The following ADAM12 variants were observed in gnomAD, a reference collection of about 807,000 sequenced individuals.
The protein encoded by ADAM12 is ADAM metallopeptidase domain 12.
A neutral mutation model predicts 106.4 loss-of-function variants in ADAM12; 70 were observed. That is an observed-to-expected ratio of 0.66 (90% CI 0.54 to 0.80). The LOEUF is 0.80. Ranked by LOEUF, ADAM12 falls within the 30% of genes least tolerant of loss-of-function variation. The probability of loss-of-function intolerance (pLI) is 0.00; values close to 1 mark genes in which losing one functional copy is unlikely to be tolerated. For missense variants in ADAM12, 1,010 were observed against 1,171.9 expected, an observed-to-expected ratio of 0.86 and a Z score of 2.02; for synonymous variants, 420 against 433.5, an observed-to-expected ratio of 0.97 and a Z score of 0.39.
chr10:126,076,045 C>T (rs1301545571), intron 11 of ADAM12, among the ~76,000 whole-genome samples: 1 of 152,058 alleles, frequency 6.6e-6, no homozygotes, highest in Non-Finnish European at 1.5e-5. Context: ...AGCATAGTAC[C>T]CAATAGGTGG....
chr10:126,199,739 TA>T (rs1957663761), intron 3 of ADAM12, among the ~76,000 whole-genome samples: 1 of 152,190 alleles, frequency 6.6e-6, no homozygotes, highest in African/African-American at 2.4e-5. Context: ...TACATGTCAG[TA>T]ATATTCCCTG....
chr10:126,263,232 C>T (rs1210464585), intron 3 of ADAM12, among the ~76,000 whole-genome samples: 1 of 152,134 alleles, frequency 6.6e-6, no homozygotes, highest in Non-Finnish European at 1.5e-5. Flanking sequence ...TGAGAACATA[C>T]TTGAATGCAG....
Position 126,066,263 on chromosome 10 carries a change from G to A in ADAM12, c.1413+454C>T, listed in dbSNP as rs1042655607. Among the ~76,000 whole-genome samples the A allele has an allele frequency of 6.6e-6, 1 of 152,164 alleles. No homozygotes were observed. The highest frequency in any genetic ancestry group is 1.5e-5 in the Non-Finnish European group (1 of 68,030). ...GGGTTGGTGGCAACTTCTTTTGGGAGGACATTAAGATTGAGTTGTTTATAC... is the reference window on the plus strand; with the variant it reads ...GGGTTGGTGGCAACTTCTTTTGGGAAGACATTAAGATTGAGTTGTTTATAC... On this transcript the variant is annotated intron_variant, in intron 13 of 22. Coordinates refer to ENST00000448723, the MANE Select transcript of ADAM12 (RefSeq NM_001288973.2). The surrounding 1 kb of genome is among the most constrained non-coding windows in gnomAD (Gnocchi z 5.1).
At chr10:126,153,548 T>C (rs1590512959) in intron 4 of ADAM12, among the ~76,000 whole-genome samples, 2 of 152,196 alleles carry the variant, frequency 1.3e-5, no homozygotes, top group East Asian at 3.8e-4. Context: ...ATTAGACCCA[T>C]TCTGTTCTCT....
chr10:126,110,035 C>T (rs1301532814), intron 6 of ADAM12, among the ~76,000 whole-genome samples, 195 bp from the exon 7 acceptor site: 1 of 152,074 alleles, frequency 6.6e-6, no homozygotes, highest in South Asian at 2.1e-4. Context: ...ACATGAGTAA[C>T]CAGCTTCCAT....
intron 3 of ADAM12, among the ~76,000 whole-genome samples, chr10:126,252,245 A>G (rs1958800296): frequency 1.1e-5 from 1 of 87,258 alleles, no homozygotes; most frequent in Non-Finnish European, 2.5e-5. Flanking sequence ...GATGGATTGG[A>G]CTGATGGATG....
At chr10:126,187,333 A>AAAAAC (rs1042619810) in intron 3 of ADAM12, among the ~76,000 whole-genome samples, 84 of 151,724 alleles carry the variant, frequency 5.5e-4, no homozygotes, top group African/African-American at 1.9e-3. Context: ...AAATAAAAAA[A>AAAAAC]AAACAAATTT....
At chr10:126,254,760 G>A (rs528109991) in intron 3 of ADAM12, among the ~76,000 whole-genome samples, 4 of 152,270 alleles carry the variant, frequency 2.6e-5, no homozygotes, top group South Asian at 2.1e-4. Context: ...AGTCGCCATC[G>A]CTGGGGAGGC....
At chr10:126,036,010 A>T in intron 21 of ADAM12, 136 bp downstream of exon 21, 1 of 717,142 alleles carries the variant, frequency 1.4e-6, no homozygotes, top group Non-Finnish European at 2.0e-6. Context: ...TATCTCATTT[A>T]ACCATCTGAG....
chr10:126,112,829 G>A (rs1159861885), intron 6 of ADAM12, among the ~76,000 whole-genome samples: 1 of 152,092 alleles, frequency 6.6e-6, no homozygotes, highest in Non-Finnish European at 1.5e-5. Context: ...CTGAAACCCA[G>A]TGTCCTCCTG....
chr10:126,238,117 A>T (rs1958454326), intron 3 of ADAM12, among the ~76,000 whole-genome samples: 2 of 152,250 alleles, frequency 1.3e-5, no homozygotes, highest in African/African-American at 2.4e-5. Context: ...TGCAACTTTC[A>T]TTCTGTTTTA....
At chr10:126,350,019 A>G (rs1245375386) in intron 1 of ADAM12, among the ~76,000 whole-genome samples, 1 of 152,026 alleles carries the variant, frequency 6.6e-6, no homozygotes, top group Non-Finnish European at 1.5e-5. Flanking sequence ...CTTTCCTTCA[A>G]CTCTGTGATT....
At chr10:126,358,156 G>A (rs1241468214) in intron 1 of ADAM12, among the ~76,000 whole-genome samples, 1 of 145,022 alleles carries the variant, frequency 6.9e-6, no homozygotes, top group Non-Finnish European at 1.5e-5. Flanking sequence ...TCCAGCCTGG[G>A]TGACCGTGAG....
At chr10:126,325,751 C>T (rs1854278456) in intron 2 of ADAM12, among the ~76,000 whole-genome samples, 1 of 152,162 alleles carries the variant, frequency 6.6e-6, no homozygotes. Context: ...TTTTTCAAGA[C>T]ATGAAATTGG....
At chr10:126,272,084 C>T (rs1959180206) in intron 3 of ADAM12, among the ~76,000 whole-genome samples, 1 of 152,198 alleles carries the variant, frequency 6.6e-6, no homozygotes, top group South Asian at 2.1e-4. Context: ...GCATTGGCCC[C>T]ATACCTTCCC....
At chr10:126,349,827 T>C (rs1250497309) in intron 1 of ADAM12, among the ~76,000 whole-genome samples, 6 of 152,202 alleles carry the variant, frequency 3.9e-5, no homozygotes, top group Non-Finnish European at 8.8e-5. Flanking sequence ...CATTTATCTC[T>C]GCTAAGCAGA....
At chr10:126,299,608 C>T (rs535411550) in intron 2 of ADAM12, among the ~76,000 whole-genome samples, 1 of 152,238 alleles carries the variant, frequency 6.6e-6, no homozygotes, top group South Asian at 2.1e-4. Flanking sequence ...TGAATTTACC[C>T]ATGTTACTGT....
chr10:126,212,803 T>C (rs1024062519), intron 3 of ADAM12, among the ~76,000 whole-genome samples: 3 of 152,230 alleles, frequency 2.0e-5, no homozygotes, highest in African/African-American at 7.2e-5. Flanking sequence ...TCCCTTGTTA[T>C]GATTAAATGC....
intron 3 of ADAM12, among the ~76,000 whole-genome samples, chr10:126,157,335 G>C (rs1373526537): frequency 6.6e-6 from 1 of 152,196 alleles, no homozygotes; most frequent in African/African-American, 2.4e-5. Context: ...CCTCTCTTCT[G>C]CCTACGCTGG....
Sources: gnomAD v4.1 joint callset for allele counts (sites outside exome capture counted in the v4.1 genomes callset) on GRCh38, gnomAD v4.1.1 for gene constraint, Gnocchi (gnomAD v3.1) non-coding constraint, MANE v1.5 for transcripts, NCBI Gene and HGNC (gene_info 2026-07-23, HGNC 2026-07-21) for gene names.